Variants in KHDC1 observed in about 807,000 individuals in gnomAD.
KHDC1 encodes KH homology domain-containing protein 1.
A neutral mutation model predicts 24.7 loss-of-function variants in KHDC1; 21 were observed. The observed-to-expected ratio is 0.85, with a 90% CI of 0.60 to 1.23. KHDC1 has a LOEUF of 1.23. Ranked by LOEUF, KHDC1 falls within the 50% of genes most tolerant of loss-of-function variation. The pLI is 0.00. For synonymous variants in KHDC1, 98 were observed against 111.7 expected, an observed-to-expected ratio of 0.88 and a Z score of 0.77; for missense variants, 274 against 298.5, an observed-to-expected ratio of 0.92 and a Z score of 0.61.
chr6:73,245,883 T>A (rs1386383928), intron 2 of KHDC1, among the ~76,000 whole-genome samples: 2 of 152,200 alleles, frequency 1.3e-5, no homozygotes, highest in South Asian at 2.1e-4. Context: ...ATTCTCGAGA[T>A]AAGCAGACAA....
chr6:73,242,366 G>A lies in KHDC1; in HGVS notation c.331+40C>T, dbSNP rs769144480. On this transcript the variant is annotated intron_variant, in intron 3 of 4. Coordinates refer to ENST00000370384, the Ensembl canonical transcript of KHDC1. ...GGAGAGGAAGAGTGAAAACTGAGAA[G>A]ACAAGGATGAAGAAGGGGACGTGGG... The A allele has an allele frequency of 6.2e-6, 10 of 1,613,440 alleles. No individual in the cohort carries two copies. The South Asian group carries it at 9.9e-5, about 16-fold the overall frequency.
chr6:73,283,556 A>G (rs1224374741), intron 2 of KHDC1, among the ~76,000 whole-genome samples: 1 of 150,260 alleles, frequency 6.7e-6, no homozygotes, highest in Non-Finnish European at 1.5e-5. Context: ...AAGTGTAAGC[A>G]CCCGGCCCTT....
intron 1 of KHDC1, among the ~76,000 whole-genome samples, chr6:73,297,048 G>A (rs1335498879): frequency 3.3e-5 from 5 of 152,124 alleles, no homozygotes; most frequent in East Asian, 3.9e-4. Flanking sequence ...TTACAGGCAC[G>A]TGCCACCATG....
rs904092068 is a variant in KHDC1, at chr6:73,283,708, T to A, written c.206+8290A>T. On this transcript the variant is annotated intron_variant, in intron 2 of 4. Transcript: ENST00000370384. ...CAGGCTGGAGTGCAGTGGCGCGATC[T>A]TGGCTCACTGCAACCTCTGCCCCCC... is the stretch of plus-strand genomic sequence containing the variant. Among the ~76,000 whole-genome samples, 4 of 151,442 alleles carry A rather than the reference T, an allele frequency of 2.6e-5. No homozygotes were observed. In the East Asian group the frequency reaches 5.8e-4, roughly 22 times the overall value.
exon 5 of KHDC1, chr6:73,241,396 C>T (rs1766561429): frequency 1.3e-6 from 1 of 779,162 alleles, no homozygotes; most frequent in Non-Finnish European, 2.2e-6. Flanking sequence ...TCAGACATGT[C>T]TAGAAGACCT....
At chr6:73,254,380 G>C (rs1264648959) in intron 2 of KHDC1, among the ~76,000 whole-genome samples, 1 of 151,980 alleles carries the variant, frequency 6.6e-6, no homozygotes, top group Non-Finnish European at 1.5e-5. Flanking sequence ...AGAATCGCTT[G>C]AGCCAGGGAG....
At chr6:73,247,924 A>G (rs1163807324) in intron 2 of KHDC1, among the ~76,000 whole-genome samples, 2 of 151,744 alleles carry the variant, frequency 1.3e-5, no homozygotes, top group Non-Finnish European at 2.9e-5. Context: ...AAGGAGATTC[A>G]GTCACACTTG....
chr6:73,262,545 T>C (rs1766998211), intron 2 of KHDC1, among the ~76,000 whole-genome samples: 1 of 152,120 alleles, frequency 6.6e-6, no homozygotes, highest in Admixed American at 6.5e-5. Context: ...CATTTTGTTT[T>C]GAGATGTGTC....
At chr6:73,262,218 T>A (rs1164940374) in intron 2 of KHDC1, among the ~76,000 whole-genome samples, 1 of 152,246 alleles carries the variant, frequency 6.6e-6, no homozygotes, top group Non-Finnish European at 1.5e-5. Context: ...GTGATAATAG[T>A]ATACCCATTT....
intron 1 of KHDC1, among the ~76,000 whole-genome samples, chr6:73,305,333 A>G (rs1038850524): frequency 1.1e-4 from 9 of 82,274 alleles, no homozygotes; most frequent in African/African-American, 2.1e-4. Flanking sequence ...ACTGGTTTCA[A>G]TGAAACTGTT....
At chr6:73,256,245 C>T (rs2603472) in intron 2 of KHDC1, among the ~76,000 whole-genome samples, 29,560 of 152,072 alleles carry the variant, frequency 0.19, 3,214 homozygotes, top group African/African-American at 0.29. Flanking sequence ...GCCTACTATT[C>T]GGCAGGTGCT....
rs1582546453 is a variant in KHDC1, at chr6:73,241,407, G to A, written c.*122C>T. The stretch of plus-strand genomic sequence containing the variant: ...TCCCTCAGACATGTCTAGAAGACCT[G>A]AGAGGGACAGGTCCCGGCCACAAGT... On this transcript the variant is annotated 3_prime_UTR_variant, in exon 5 of 5. Coordinates refer to ENST00000370384, the Ensembl canonical transcript of KHDC1. 5 of 858,964 alleles carry A rather than the reference G, an allele frequency of 5.8e-6. No homozygotes were observed. In the South Asian group the frequency reaches 6.0e-5, roughly 10 times the overall value. The allele number at this position is 858,964 out of a possible 1,614,324, so 53.2% of individuals were successfully genotyped here. A position where few individuals can be genotyped will look rare whatever the true frequency, so the allele number is the denominator to read the frequency against.
intron 4 of KHDC1, 130 bp from the exon 4 acceptor site, chr6:73,241,858 A>G: frequency 1.8e-6 from 2 of 1,103,570 alleles, no homozygotes; most frequent in East Asian, 2.6e-5. Flanking sequence ...TAGCCCATTT[A>G]CACCTCCCAG....
intron 1 of KHDC1, among the ~76,000 whole-genome samples, chr6:73,302,394 TC>T (rs1767893102): frequency 6.6e-6 from 1 of 152,242 alleles, no homozygotes; most frequent in Non-Finnish European, 1.5e-5. Flanking sequence ...TTAGGAGATT[TC>T]ATAGTTGTGC....
At chr6:73,297,481 G>A (rs1282272764) in intron 1 of KHDC1, among the ~76,000 whole-genome samples, 5 of 151,978 alleles carry the variant, frequency 3.3e-5, no homozygotes, top group Non-Finnish European at 5.9e-5. Context: ...CCTTGTACAC[G>A]TCAATTCTTA....
chr6:73,300,272 T>A (rs59126262), intron 1 of KHDC1: 7,715 of 152,412 alleles, frequency 0.051, 505 homozygotes, highest in African/African-American at 0.15. Context: ...TCCTTGTCTC[T>A]CCCTTGCACT....
At chr6:73,285,496 T>C (rs1203909993) in intron 2 of KHDC1, among the ~76,000 whole-genome samples, 1 of 152,108 alleles carries the variant, frequency 6.6e-6, no homozygotes, top group Non-Finnish European at 1.5e-5. Flanking sequence ...CATGCTCAGC[T>C]AATTTTTGTA....
intron 1 of KHDC1, among the ~76,000 whole-genome samples, chr6:73,294,477 G>A (rs947985720): frequency 3.9e-5 from 6 of 152,056 alleles, no homozygotes; most frequent in African/African-American, 7.2e-5. Context: ...GTAGCATCCC[G>A]TATTAACAGG....
chr6:73,292,359 C>T, intron 1 of KHDC1: 1 of 815,238 alleles, frequency 1.2e-6, no homozygotes, highest in Non-Finnish European at 2.2e-6. Flanking sequence ...ACATTCTACA[C>T]ATATGCAAAA....
Sources: allele counts gnomAD v4.1 joint callset (sites outside exome capture counted in the v4.1 genomes callset), GRCh38; gene constraint gnomAD v4.1.1; transcripts MANE v1.5; gene names NCBI Gene and HGNC (gene_info 2026-07-23, HGNC 2026-07-21).